The following KCNH1 variants were observed in gnomAD, a reference collection of about 807,000 sequenced individuals.
KCNH1 encodes the protein potassium voltage-gated channel subfamily H member 1.
In KCNH1, 27 loss-of-function variants were observed where a neutral mutation model predicts 69.2. That is an observed-to-expected ratio of 0.39 (90% CI 0.29 to 0.54). The LOEUF (loss-of-function observed/expected upper bound fraction) is 0.54, where lower values mean the gene tolerates loss of function less well. Among genes scored for constraint, KCNH1 ranks in the 20% least tolerant of loss-of-function variants. The pLI is 0.68. For synonymous variants in KCNH1, 456 were observed against 487.7 expected, an observed-to-expected ratio of 0.93 and a Z score of 0.86; for missense variants, 798 against 1,261.6, an observed-to-expected ratio of 0.63 and a Z score of 5.57.
chr1:210,867,230 T>C (rs1574306119), intron 7 of KCNH1, among the ~76,000 whole-genome samples: 1 of 151,820 alleles, frequency 6.6e-6, no homozygotes, highest in Non-Finnish European at 1.5e-5. Context: ...CTTAAAACTA[T>C]TGAATTGTAC....
chr1:210,801,559 G>C (rs564393615), intron 8 of KCNH1, among the ~76,000 whole-genome samples: 48 of 152,354 alleles, frequency 3.2e-4, no homozygotes, highest in African/African-American at 1.2e-3. Flanking sequence ...GATCTACAGG[G>C]AGAGGAAGAG....
At chr1:210,993,656 CT>C (rs1490275228) in intron 6 of KCNH1, among the ~76,000 whole-genome samples, 5 of 152,350 alleles carry the variant, frequency 3.3e-5, no homozygotes, top group African/African-American at 1.2e-4. Context: ...GTTTCACATT[CT>C]TTGTGCTCCC....
chr1:210,879,788 T>C (rs567997752), intron 7 of KCNH1, among the ~76,000 whole-genome samples: 1 of 152,110 alleles, frequency 6.6e-6, no homozygotes, highest in Non-Finnish European at 1.5e-5. Context: ...GGTATAAAGA[T>C]TGGGAAGAAA....
intron 10 of KCNH1, 28 bp downstream of exon 10, chr1:210,775,320 T>A: frequency 6.2e-7 from 1 of 1,601,330 alleles, no homozygotes. Context: ...CTGTTCTTTG[T>A]GGAAAATAAC....
At chr1:210,926,625 A>T (rs1169779311) in intron 6 of KCNH1, among the ~76,000 whole-genome samples, 1 of 152,296 alleles carries the variant, frequency 6.6e-6, no homozygotes, top group East Asian at 1.9e-4. Context: ...AGGAACCAGA[A>T]AAACAATTCT....
intron 6 of KCNH1, among the ~76,000 whole-genome samples, chr1:210,969,965 C>T (rs1357664645): frequency 6.6e-6 from 1 of 152,100 alleles, no homozygotes; most frequent in Non-Finnish European, 1.5e-5. Context: ...GACATGATAT[C>T]TGCCCATTGC....
intron 6 of KCNH1, among the ~76,000 whole-genome samples, chr1:210,997,115 C>G (rs953849270): frequency 6.6e-6 from 1 of 152,202 alleles, no homozygotes; most frequent in Admixed American, 6.5e-5. Flanking sequence ...CTCTCCTCCT[C>G]GAAAGAAACA....
intron 1 of KCNH1, among the ~76,000 whole-genome samples, chr1:211,113,346 G>T (rs73075414): frequency 9.9e-4 from 151 of 152,264 alleles, no homozygotes; most frequent in African/African-American, 3.5e-3. Flanking sequence ...CGTTATTGTA[G>T]TCATACATTG....
chr1:211,071,957 G>T (rs1231184104), intron 5 of KCNH1, among the ~76,000 whole-genome samples: 1 of 152,124 alleles, frequency 6.6e-6, no homozygotes, highest in Non-Finnish European at 1.5e-5. Flanking sequence ...CTAGAATTTT[G>T]GGCCCTGTGA....
At chr1:210,687,846 G>A (rs1038059706) in intron 10 of KCNH1, among the ~76,000 whole-genome samples, 4 of 152,130 alleles carry the variant, frequency 2.6e-5, no homozygotes, top group Non-Finnish European at 4.4e-5. Context: ...GCAGCTCTCC[G>A]TCTGCTTGGA....
At chr1:211,051,262 T>C (rs2102441017) in intron 5 of KCNH1, among the ~76,000 whole-genome samples, 1 of 152,198 alleles carries the variant, frequency 6.6e-6, no homozygotes, top group Admixed American at 6.5e-5. Context: ...CCTCCCAAAG[T>C]TCTGTGATTA....
chr1:210,739,293 A>G (rs902522621), intron 10 of KCNH1, among the ~76,000 whole-genome samples: 1 of 152,246 alleles, frequency 6.6e-6, no homozygotes, highest in African/African-American at 2.4e-5. Flanking sequence ...TTGATTTGCC[A>G]ATCCTGTTCT....
chr1:210,835,294 AG>A (rs11325808), intron 7 of KCNH1, among the ~76,000 whole-genome samples: 93,672 of 151,824 alleles, frequency 0.62, 29,729 homozygotes, highest in African/African-American at 0.77. Flanking sequence ...TGTGAGACCA[AG>A]TATTAATTTT....
chr1:210,987,695 TG>T (rs879437769), intron 6 of KCNH1, among the ~76,000 whole-genome samples: 1 of 152,160 alleles, frequency 6.6e-6, no homozygotes, highest in Admixed American at 6.5e-5. Context: ...CTGCCCCTAC[TG>T]GGGGGTGCCT....
At chr1:210,791,767 G>A (rs921855230) in intron 9 of KCNH1, among the ~76,000 whole-genome samples, 2 of 152,144 alleles carry the variant, frequency 1.3e-5, no homozygotes, top group Admixed American at 1.3e-4. Context: ...AAGAGATTAA[G>A]ACCATGTTAT....
intron 9 of KCNH1, among the ~76,000 whole-genome samples, chr1:210,782,608 C>T (rs966272476): frequency 5.9e-5 from 9 of 152,030 alleles, no homozygotes; most frequent in Admixed American, 6.6e-5. Context: ...CACTTGTAAT[C>T]GCAGCTACTC....
intron 5 of KCNH1, among the ~76,000 whole-genome samples, chr1:211,029,057 A>G: frequency 6.6e-6 from 1 of 150,700 alleles, no homozygotes; most frequent in Non-Finnish European, 1.5e-5. Flanking sequence ...GAGGCCAGGC[A>G]TGGTGGCTCA....
chr1:211,116,693 C>A (rs547536848), intron 1 of KCNH1, among the ~76,000 whole-genome samples: 1 of 152,260 alleles, frequency 6.6e-6, no homozygotes, highest in Admixed American at 6.5e-5. Context: ...TATGCCCCAG[C>A]CTGGTGGGGA....
intron 6 of KCNH1, among the ~76,000 whole-genome samples, chr1:210,998,764 A>G (rs567884520): frequency 3.1e-4 from 47 of 152,346 alleles, no homozygotes; most frequent in African/African-American, 1.1e-3. Context: ...AGTGGGAAGT[A>G]AAGCACTCCT....
Sources: allele counts gnomAD v4.1 joint callset (sites outside exome capture counted in the v4.1 genomes callset), GRCh38; gene constraint gnomAD v4.1.1; transcripts MANE v1.5; gene names NCBI Gene and HGNC (gene_info 2026-07-23, HGNC 2026-07-21).